The following MALAT1 variants were observed in gnomAD, a reference collection of about 807,000 sequenced individuals.
MALAT1 encodes the protein hepcarcin.
exon 3 of MALAT1, chr11:65,499,343 T>C: frequency 2.0e-6 from 1 of 497,534 alleles, no homozygotes; most frequent in Non-Finnish European, 4.0e-6. Flanking sequence ...AAAAATGTAT[T>C]TAAAAGAAAA....
In MALAT1 at chr11:65,499,790, AAAG is replaced by A. The variant is rs1481719778; in HGVS notation, n.1055_1057del. The A allele has an allele frequency of 2.8e-5, 12 of 422,858 alleles. 1 individual carries two copies. Among genetic ancestry groups the A allele is most frequent in the South Asian group, 1.2e-4 (7 of 56,474 alleles). The allele number at this position is 422,858 out of a possible 1,614,324, so 26.2% of individuals were successfully genotyped here. ...CCTGAAAAGTAGGAAGCAGAAGAAA[AAAG>A]ACAAGCTAGGAAACAAAAAGCTAAG... On this transcript the variant is annotated non_coding_transcript_exon_variant, in exon 3 of 4. Transcript: ENST00000619449.
exon 4 of MALAT1, chr11:65,506,349 A>G (rs1854697699): frequency 2.2e-6 from 1 of 462,972 alleles, no homozygotes; most frequent in Non-Finnish European, 4.2e-6. Context: ...ATTCATATTT[A>G]CACGAGAACC....
exon 3 of MALAT1, chr11:65,503,529 TAGAATC>T (rs779778141): frequency 1.9e-6 from 1 of 518,670 alleles, no homozygotes; most frequent in Non-Finnish European, 3.8e-6. Context: ...GATGTGCTGT[TAGAATC>T]AGATGTTACT....
exon 3 of MALAT1, chr11:65,502,018 A>G (rs750977322): frequency 1.5e-5 from 8 of 516,832 alleles, no homozygotes; most frequent in African/African-American, 7.7e-5. Flanking sequence ...GTAACTCCCA[A>G]TGATTTAGTT....
At chr11:65,499,369 A>G (rs1458401203) in exon 3 of MALAT1, 1 of 492,506 alleles carries the variant, frequency 2.0e-6, no homozygotes, top group Non-Finnish European at 4.1e-6. Flanking sequence ...AGAAAGGACT[A>G]CAGAGCCCCG....
At chr11:65,499,897 T>A (rs1854501372) in exon 3 of MALAT1, 1 of 431,676 alleles carries the variant, frequency 2.3e-6, no homozygotes, top group African/African-American at 2.1e-5. Flanking sequence ...GAGTTTCAGA[T>A]AGAAAATGAA....
chr11:65,503,444 G>A (rs758283445), exon 3 of MALAT1: 1 of 517,508 alleles, frequency 1.9e-6, no homozygotes, highest in Non-Finnish European at 3.9e-6. Context: ...CCTCTAAAGT[G>A]ATCAGTGCCT....
At chr11:65,499,921 C>T (rs1445998587) in exon 3 of MALAT1, 3 of 435,328 alleles carry the variant, frequency 6.9e-6, no homozygotes, top group Non-Finnish European at 1.4e-5. Flanking sequence ...CAAGCTAAGA[C>T]AAGTATTGGA....
exon 3 of MALAT1, chr11:65,499,087 A>T: frequency 1.9e-6 from 1 of 518,364 alleles, no homozygotes; most frequent in South Asian, 1.4e-5. Flanking sequence ...CTGAGGGGGC[A>T]GGCGGAGCTT....
exon 3 of MALAT1, chr11:65,499,773 G>A (rs1565675822): frequency 9.4e-6 from 4 of 426,446 alleles, no homozygotes; most frequent in Admixed American, 6.0e-5. Context: ...AACCTGAAAA[G>A]TAGGAAGCAG....
At chr11:65,503,202 C>G in exon 3 of MALAT1, 1 of 512,968 alleles carries the variant, frequency 1.9e-6, no homozygotes, top group Non-Finnish European at 3.9e-6. Context: ...ATAAGTTTAA[C>G]TTGCATCTGC....
At chr11:65,503,755 T>C (rs1368027572) in exon 3 of MALAT1, 1 of 516,776 alleles carries the variant, frequency 1.9e-6, no homozygotes. Flanking sequence ...CACTCTTTAA[T>C]GGACCAGATC....
chr11:65,506,200 A>G (rs763414958), intron 3 of MALAT1: 1 of 449,988 alleles, frequency 2.2e-6, no homozygotes, highest in Admixed American at 2.8e-5. Context: ...ATCTGTCTTC[A>G]GGACTCTTTC....
chr11:65,501,224 A>ATTTTTTTTGTT, exon 3 of MALAT1: 1 of 229,406 alleles, frequency 4.4e-6, no homozygotes. Flanking sequence ...AGTTTTCAGT[A>ATTTTTTTTGTT]TTTTTTTTTG....
chr11:65,499,691 G>A (rs187715624), exon 3 of MALAT1: 21 of 432,412 alleles, frequency 4.9e-5, no homozygotes, highest in Non-Finnish European at 7.7e-5. Flanking sequence ...ACGGGAAGGC[G>A]AAGAAAAGAA....
At chr11:65,506,047 A>G in intron 3 of MALAT1, 1 of 451,196 alleles carries the variant, frequency 2.2e-6, no homozygotes, top group Non-Finnish European at 4.2e-6. Context: ...TTCCTGAGAA[A>G]ACAACACGTA....
exon 2 of MALAT1, chr11:65,498,732 G>A: frequency 1.9e-6 from 1 of 518,872 alleles, no homozygotes; most frequent in Non-Finnish European, 3.8e-6. Flanking sequence ...AGTGCTTTAA[G>A]AGGTATTTTA....
exon 3 of MALAT1, chr11:65,502,608 G>A (rs748509496): frequency 4.2e-6 from 2 of 478,312 alleles, no homozygotes; most frequent in Non-Finnish European, 4.0e-6. Flanking sequence ...TTGTTGATGA[G>A]GGAGGGGAAA....
At chr11:65,501,370 GTT>G in exon 3 of MALAT1, 1 of 518,636 alleles carries the variant, frequency 1.9e-6, no homozygotes, top group Non-Finnish European at 3.9e-6. Context: ...CAGGTTTACA[GTT>G]TATAGAAACT....
Sources: allele counts gnomAD v4.1 joint callset, GRCh38; gene constraint gnomAD v4.1.1; transcripts MANE v1.5; gene names NCBI Gene and HGNC (gene_info 2026-07-23, HGNC 2026-07-21).